NKAIN3: variants seen among roughly 807,000 people sequenced by gnomAD.
NKAIN3 encodes sodium/potassium transporting ATPase interacting 3.
Under a neutral mutation model 30.2 loss-of-function variants are expected in NKAIN3, and 25 were observed. That is an observed-to-expected ratio of 0.83 (90% CI 0.60 to 1.16). The LOEUF is 1.16. Ranked by LOEUF, NKAIN3 falls within the 50% of genes most tolerant of loss-of-function variation. The pLI is 0.00. For missense variants in NKAIN3, 225 were observed against 254.1 expected (o/e 0.89, Z 0.78); for synonymous variants, 91 against 89.6 (o/e 1.02, Z -0.09).
chr8:62,280,968 C>A (rs1813159498), intron 1 of NKAIN3, among the ~76,000 whole-genome samples: 1 of 152,120 alleles, frequency 6.6e-6, no homozygotes, highest in Non-Finnish European at 1.5e-5. Context: ...CCTCCTTGTA[C>A]CTCTGGTAGA....
At chr8:62,388,530 A>C (rs1474904167) in intron 1 of NKAIN3, among the ~76,000 whole-genome samples, 2 of 152,268 alleles carry the variant, frequency 1.3e-5, no homozygotes, top group Admixed American at 1.3e-4. Context: ...ATGTGGATTA[A>C]CTAAAATTCA....
chr8:62,268,925 A>G lies in NKAIN3; in HGVS notation c.54+19798A>G, dbSNP rs1032845180. Among the ~76,000 whole-genome samples the G allele has an allele frequency of 5.3e-5, 8 of 151,914 alleles. No individual in the cohort carries two copies. The South Asian group carries it at 1.7e-3, about 32-fold the overall frequency. On this transcript the variant is annotated intron_variant, in intron 1 of 6. Transcript: ENST00000623646. ...AGGGCTCTCTAAATAGGCAACATAA[A>G]CTCTCTTAACATTTCTAAGTACAGT... is the stretch of plus-strand genomic sequence containing the variant.
chr8:62,447,258 G>A (rs938308140), intron 1 of NKAIN3, among the ~76,000 whole-genome samples: 1 of 151,920 alleles, frequency 6.6e-6, no homozygotes, highest in Non-Finnish European at 1.5e-5. Flanking sequence ...TTGTTTCCAG[G>A]TACTGGAATC....
intron 4 of NKAIN3, among the ~76,000 whole-genome samples, chr8:62,916,938 C>A (rs1822124045): frequency 6.6e-6 from 1 of 151,904 alleles, no homozygotes; most frequent in Non-Finnish European, 1.5e-5. Flanking sequence ...TTCAGAATCC[C>A]ACCCCACCCC....
chr8:62,634,747 CT>C (rs1416233446), intron 3 of NKAIN3, among the ~76,000 whole-genome samples: 1 of 152,032 alleles, frequency 6.6e-6, no homozygotes, highest in African/African-American at 2.4e-5. Flanking sequence ...CCAAAATTGC[CT>C]TTAAACAAAG....
Position 62,293,576 on chromosome 8 carries a change from C to A in NKAIN3, c.54+44449C>A, listed in dbSNP as rs191020753. ...AAATATTGCAGAATGGCAAATGTTG[C>A]TGTCTGATCCTTCTTCTGGATGCTT... On this transcript the variant is annotated intron_variant, in intron 1 of 6. Transcript: ENST00000623646. 3.7e-3 allele frequency among the ~76,000 whole-genome samples: 561 copies of A among 152,282 alleles called. 2 individuals carry two copies. The highest frequency in any genetic ancestry group is 5.9e-3 in the Non-Finnish European group (402 of 68,018).
intron 3 of NKAIN3, among the ~76,000 whole-genome samples, chr8:62,648,810 G>T (rs1046658414): frequency 1.1e-4 from 17 of 152,180 alleles, no homozygotes; most frequent in African/African-American, 4.1e-4. Flanking sequence ...GTTGAGCCAA[G>T]GTGCTGGGGC....
At chr8:62,895,118 T>C (rs1195540796) in intron 4 of NKAIN3, among the ~76,000 whole-genome samples, 1 of 152,222 alleles carries the variant, frequency 6.6e-6, no homozygotes, top group Non-Finnish European at 1.5e-5. Flanking sequence ...AGAAGGGATA[T>C]TGAATAGGCA....
At position 62,983,138 on chromosome 8, in the gene NKAIN3, A is replaced by T. The variant is rs907715161; in HGVS notation, c.*17731A>T. On this transcript the variant is annotated 3_prime_UTR_variant, in exon 7 of 7. Transcript: ENST00000623646. ...CCTTCGTGCCACACTACTTGCCAGT[A>T]TCCACTGGGAGACAAATTATGATTG... 6.6e-6 allele frequency: 1 copy of T among 152,218 alleles called. No homozygotes were observed. Among genetic ancestry groups the T allele is most frequent in the Non-Finnish European group, 1.5e-5 (1 of 68,070 alleles). 9.4% of individuals were successfully genotyped at this position (152,218 alleles called of 1,614,324 possible). A position where few individuals can be genotyped will look rare whatever the true frequency, so the allele number is the denominator to read the frequency against.
At chr8:62,546,845 C>T (rs1809030911) in intron 1 of NKAIN3, among the ~76,000 whole-genome samples, 1 of 152,134 alleles carries the variant, frequency 6.6e-6, no homozygotes. Context: ...GGGATTCTGA[C>T]AGAGGGTGCC....
chr8:62,641,766 G>C (rs559178823), intron 3 of NKAIN3, among the ~76,000 whole-genome samples: 1 of 152,258 alleles, frequency 6.6e-6, no homozygotes, highest in African/African-American at 2.4e-5. Context: ...AAGAGAATGT[G>C]TGTGAGAACG....
At chr8:62,454,323 A>AAAAAAAAAAAAAAAAAAAAAC (rs1360909972) in intron 1 of NKAIN3, among the ~76,000 whole-genome samples, 2 of 145,100 alleles carry the variant, frequency 1.4e-5, no homozygotes, top group African/African-American at 2.5e-5. Flanking sequence ...AAAAAAAAAA[A>AAAAAAAAAAAAAAAAAAAAAC]TCTGAAAATC....
At chr8:62,460,759 T>G (rs1805975651) in intron 1 of NKAIN3, among the ~76,000 whole-genome samples, 2 of 152,168 alleles carry the variant, frequency 1.3e-5, no homozygotes, top group South Asian at 4.1e-4. Flanking sequence ...TGCACAACTC[T>G]CTGTACTTGA....
intron 1 of NKAIN3, among the ~76,000 whole-genome samples, chr8:62,480,205 A>G (rs1469756249): frequency 6.6e-6 from 1 of 152,092 alleles, no homozygotes. Context: ...TTCCATTACT[A>G]TGAATTTGAC....
chr8:62,783,172 A>G (rs1817409412), intron 4 of NKAIN3, among the ~76,000 whole-genome samples: 1 of 152,146 alleles, frequency 6.6e-6, no homozygotes, highest in Non-Finnish European at 1.5e-5. Context: ...TGTCCCCCCA[A>G]AATTCATACA....
intron 1 of NKAIN3, among the ~76,000 whole-genome samples, chr8:62,521,864 G>T (rs1034516550): frequency 6.6e-6 from 1 of 152,062 alleles, no homozygotes; most frequent in African/African-American, 2.4e-5. Flanking sequence ...CCCCTAAATT[G>T]TTTTATTTCT....
chr8:62,833,501 C>A (rs570112999), intron 4 of NKAIN3, among the ~76,000 whole-genome samples: 1 of 152,032 alleles, frequency 6.6e-6, no homozygotes, highest in Non-Finnish European at 1.5e-5. Flanking sequence ...ACATTACAAC[C>A]AATCCCACAG....
At chr8:62,524,736 TG>T (rs1355816831) in intron 1 of NKAIN3, among the ~76,000 whole-genome samples, 7 of 152,270 alleles carry the variant, frequency 4.6e-5, no homozygotes, top group South Asian at 2.1e-4. Flanking sequence ...GGAAGAGCTG[TG>T]ATATTTTCCC....
intron 1 of NKAIN3, among the ~76,000 whole-genome samples, chr8:62,257,043 TA>T (rs1421614018): frequency 6.6e-6 from 1 of 152,154 alleles, no homozygotes; most frequent in Admixed American, 6.5e-5. Flanking sequence ...AAATGTGGAA[TA>T]AAAAAACAAG....
Sources: gnomAD v4.1 joint callset for allele counts (sites outside exome capture counted in the v4.1 genomes callset) on GRCh38, gnomAD v4.1.1 for gene constraint, MANE v1.5 for transcripts, NCBI Gene and HGNC (gene_info 2026-07-23, HGNC 2026-07-21) for gene names.